PDGFD: variants seen among roughly 807,000 people sequenced by gnomAD.
PDGFD encodes platelet derived growth factor D.
In PDGFD, 30 loss-of-function variants were observed where a neutral mutation model predicts 44.7. The ratio of observed to expected loss-of-function variants is 0.67; its 90% confidence interval spans 0.50 to 0.91. The LOEUF (loss-of-function observed/expected upper bound fraction) is 0.91, where lower values mean the gene tolerates loss of function less well. Among genes scored for constraint, PDGFD ranks in the 40% least tolerant of loss-of-function variants. The pLI is 0.00. For missense variants in PDGFD, 445 were observed against 457.8 expected, an observed-to-expected ratio of 0.97 and a Z score of 0.25; for synonymous variants, 173 against 168.4, an observed-to-expected ratio of 1.03 and a Z score of -0.21.
At position 104,163,910 on chromosome 11, in the gene PDGFD, A is replaced by T. The variant is rs765825298; in HGVS notation, c.18T>A (p.Phe6Leu). The T allele has an allele frequency of 2.6e-6, 4 of 1,553,154 alleles. No individual in the cohort carries two copies. In the African/African-American group the frequency reaches 4.1e-5, roughly 16 times the overall value. ...AGTTTGCGCAGATTAGAGTGTAGAC[A>T]AAGATGAGCCGGTGCATTTGGGATC... The part of the protein sequence containing the change: MHRLI[F>L]VYTLICANFC... Residue 6 changes from phenylalanine (F) to leucine (L), a missense_variant, in exon 1 of 7, where the codon TTT (phenylalanine) becomes TTA (leucine). Phe to Leu is a conservative substitution (Grantham distance 22). Coordinates refer to ENST00000393158, the MANE Select transcript of PDGFD (RefSeq NM_025208.5).
chr11:103,991,961 T>C lies in PDGFD; in HGVS notation c.510+4104A>G, dbSNP rs1042899847. Among the ~76,000 whole-genome samples, 4 of 152,236 alleles carry C rather than the reference T, an allele frequency of 2.6e-5. 1 individual carries two copies. The highest frequency in any genetic ancestry group is 9.6e-5 in the African/African-American group (4 of 41,540). ...TACCGGGGGGAGCCTTGTAATTGAA[T>C]ACCTTTCCAATAATCTACTCAGTAG... On this transcript the variant is annotated intron_variant, in intron 3 of 6. Transcript: ENST00000393158.
chr11:104,000,793 C>A (rs1859608669), intron 1 of PDGFD, among the ~76,000 whole-genome samples: 1 of 152,132 alleles, frequency 6.6e-6, no homozygotes, highest in Non-Finnish European at 1.5e-5. Context: ...CACGAAAAAT[C>A]ATAATTTTGT....
intron 1 of PDGFD, among the ~76,000 whole-genome samples, chr11:104,086,175 A>G (rs932927884): frequency 6.6e-6 from 1 of 152,160 alleles, no homozygotes; most frequent in African/African-American, 2.4e-5. Flanking sequence ...AAAAACAGCA[A>G]TGATGTAGTA....
intron 1 of PDGFD, among the ~76,000 whole-genome samples, chr11:104,148,014 A>T (rs1445761029): frequency 6.6e-6 from 1 of 152,212 alleles, no homozygotes; most frequent in Non-Finnish European, 1.5e-5. Context: ...TTCATGGCAG[A>T]GAAATGAAGT....
intron 3 of PDGFD, among the ~76,000 whole-genome samples, chr11:103,965,833 C>T (rs1859011242): frequency 6.6e-6 from 1 of 151,932 alleles, no homozygotes; most frequent in Non-Finnish European, 1.5e-5. Flanking sequence ...AACCCTGACA[C>T]TTCGACAGCC....
At chr11:104,027,131 A>G (rs1860052998) in intron 1 of PDGFD, among the ~76,000 whole-genome samples, 1 of 152,330 alleles carries the variant, frequency 6.6e-6, no homozygotes, top group South Asian at 2.1e-4. Context: ...ATTCAAGAAC[A>G]TGATACAATC....
chr11:104,163,080 C>T (rs973814897), intron 1 of PDGFD, among the ~76,000 whole-genome samples: 12 of 152,110 alleles, frequency 7.9e-5, no homozygotes, highest in Non-Finnish European at 1.5e-4. Context: ...ACAGCTGTTT[C>T]AGGAGCTGTG....
intron 5 of PDGFD, among the ~76,000 whole-genome samples, chr11:103,937,120 C>T (rs1565288985): frequency 6.6e-6 from 1 of 152,052 alleles, no homozygotes; most frequent in South Asian, 2.1e-4. Flanking sequence ...GCCACTGTGT[C>T]GAGTCTAAAA....
chr11:104,122,669 T>C (rs911319642), intron 1 of PDGFD, among the ~76,000 whole-genome samples: 2 of 151,974 alleles, frequency 1.3e-5, no homozygotes, highest in African/African-American at 4.8e-5. Flanking sequence ...CCCCAGACAA[T>C]GAGGCCACTT....
chr11:104,143,548 C>T (rs998573851), intron 1 of PDGFD, among the ~76,000 whole-genome samples: 1 of 152,150 alleles, frequency 6.6e-6, no homozygotes, highest in Non-Finnish European at 1.5e-5. Context: ...TTGGGGAAGC[C>T]TTAGTCCTTC....
intron 3 of PDGFD, among the ~76,000 whole-genome samples, chr11:103,986,215 A>T (rs1859360858): frequency 6.6e-6 from 1 of 152,136 alleles, no homozygotes. Flanking sequence ...TCATTCACCT[A>T]GGAGAGGAGA....
intron 1 of PDGFD, among the ~76,000 whole-genome samples, chr11:104,158,226 C>A (rs1039779330): frequency 1.3e-5 from 2 of 152,180 alleles, no homozygotes; most frequent in Non-Finnish European, 2.9e-5. Flanking sequence ...GATGAACACA[C>A]ATATGTGAAG....
At chr11:104,044,325 T>C (rs1184771622) in intron 1 of PDGFD, among the ~76,000 whole-genome samples, 2 of 152,108 alleles carry the variant, frequency 1.3e-5, no homozygotes, top group Non-Finnish European at 2.9e-5. Flanking sequence ...GCTAGTAAAA[T>C]AAAGGAATAT....
intron 3 of PDGFD, among the ~76,000 whole-genome samples, chr11:103,961,013 C>T (rs1858927388): frequency 6.6e-6 from 1 of 152,160 alleles, no homozygotes; most frequent in African/African-American, 2.4e-5. Flanking sequence ...TTAGGGAAAA[C>T]CCTCACATTC....
chr11:103,951,955 T>G (rs1208867018), intron 3 of PDGFD, among the ~76,000 whole-genome samples: 1 of 152,240 alleles, frequency 6.6e-6, no homozygotes, highest in African/African-American at 2.4e-5. Context: ...TATTCCAAGT[T>G]TCTAGCTGAG....
At chr11:103,944,679 C>A (rs191088486) in intron 4 of PDGFD, among the ~76,000 whole-genome samples, 1 of 152,242 alleles carries the variant, frequency 6.6e-6, no homozygotes, top group East Asian at 1.9e-4. Context: ...TATTGAGTCC[C>A]AGACAGCCAA....
Position 103,949,707 on chromosome 11 carries a change from G to A in PDGFD, c.511-1983C>T, listed in dbSNP as rs548119266. On this transcript the variant is annotated intron_variant, in intron 3 of 6. Coordinates refer to ENST00000393158, the MANE Select transcript of PDGFD (RefSeq NM_025208.5). ...TCCCTACCCTCAAGGAATTCGAAAC[G>A]TAAACACACAAATAAACACGTGCAG... Among the ~76,000 whole-genome samples, 5 of 152,268 alleles carry A rather than the reference G, an allele frequency of 3.3e-5. No homozygotes were observed. The South Asian group carries it at 6.2e-4, about 19-fold the overall frequency.
At chr11:103,930,106 C>T (rs1167916671) in intron 5 of PDGFD, among the ~76,000 whole-genome samples, 6 of 152,156 alleles carry the variant, frequency 3.9e-5, no homozygotes, top group Non-Finnish European at 8.8e-5. Flanking sequence ...TTTAGTTTTG[C>T]TTTATCAAAG....
At chr11:104,015,050 A>T (rs1591121900) in intron 1 of PDGFD, among the ~76,000 whole-genome samples, 1 of 152,314 alleles carries the variant, frequency 6.6e-6, no homozygotes, top group Admixed American at 6.5e-5. Flanking sequence ...TTGCAAAGGA[A>T]AAGATAGAAC....
Sources: allele counts gnomAD v4.1 joint callset (sites outside exome capture counted in the v4.1 genomes callset), GRCh38; gene constraint gnomAD v4.1.1; transcripts MANE v1.5; gene names NCBI Gene and HGNC (gene_info 2026-07-23, HGNC 2026-07-21).